The following MICA variants were observed in gnomAD, a reference collection of about 807,000 sequenced individuals.
MICA encodes the protein HLA class I antigen.
Under a neutral mutation model 34.3 loss-of-function variants are expected in MICA, and 18 were observed. The observed-to-expected ratio is 0.52, with a 90% CI of 0.36 to 0.78. The LOEUF is 0.78. Ranked by LOEUF, MICA falls within the 30% of genes least tolerant of loss-of-function variation. MICA has a pLI of 0.00. For missense variants in MICA, 333 were observed against 409.4 expected, an observed-to-expected ratio of 0.81 and a Z score of 1.61; for synonymous variants, 135 against 156.9, an observed-to-expected ratio of 0.86 and a Z score of 1.04.
chr6:31,414,819 T>C (rs1233826366), intron 5 of MICA, among the ~76,000 whole-genome samples, 193 bp from the exon 6 acceptor site: 1 of 151,660 alleles, frequency 6.6e-6, no homozygotes, highest in African/African-American at 2.4e-5. Flanking sequence ...GGGCTGATGT[T>C]GATGGAGTGA....
chr6:31,412,598 GGA>G, intron 5 of MICA, 138 bp downstream of exon 5: 1 of 601,432 alleles, frequency 1.7e-6, no homozygotes, highest in Non-Finnish European at 2.9e-6. Context: ...ATTTGGGAAG[GGA>G]ATGGGGGCAG....
chr6:31,415,244 G>T lies in MICA; in HGVS notation c.*262G>T. The T allele has an allele frequency of 5.2e-6, 3 of 582,026 alleles. No individual in the cohort carries two copies. The highest frequency in any genetic ancestry group is 9.3e-6 in the Non-Finnish European group (3 of 321,566). The allele number at this position is 582,026 out of a possible 1,614,324, so 36.1% of individuals were successfully genotyped here. On this transcript the variant is annotated 3_prime_UTR_variant, in exon 6 of 6. Coordinates refer to ENST00000449934, the MANE Select transcript of MICA (RefSeq NM_001177519.3). Reference sequence around the variant, plus strand: ...GACCTATGAAACAGAGAAAATAAAAGCACTTATTTATTGTTGTTGGAGGCT... The same window carrying T: ...GACCTATGAAACAGAGAAAATAAAATCACTTATTTATTGTTGTTGGAGGCT...
At chr6:31,409,694 C>T (rs1747696643) in intron 1 of MICA, among the ~76,000 whole-genome samples, 1 of 151,878 alleles carries the variant, frequency 6.6e-6, no homozygotes, top group Non-Finnish European at 1.5e-5. Context: ...AATCCTATGT[C>T]ATGAACATTA....
intron 1 of MICA, among the ~76,000 whole-genome samples, chr6:31,409,843 G>T (rs1770979334): frequency 6.6e-6 from 1 of 151,702 alleles, no homozygotes. Context: ...CCTGCCCCCA[G>T]AACTATTTGC....
chr6:31,412,100 T>G lies in MICA; in HGVS notation c.767T>G (p.Val256Gly), dbSNP rs1251297198. The G allele has an allele frequency of 1.2e-6, 2 of 1,613,142 alleles. No homozygotes were observed. The highest frequency in any genetic ancestry group is 3.3e-4 in the Middle Eastern group (2 of 6,032). ...CACGACACCCAGCAGTGGGGGGATG[T>G]CCTGCCTGATGGGAATGGAACCTAC... ...LSHDTQQWGD[V>G]LPDGNGTYQT... Residue 256 changes from valine to glycine, a missense_variant, in exon 4 of 6, where the codon GTC becomes GGC. Physicochemically the swap from Val to Gly is moderately radical, Grantham distance 109. Transcript: ENST00000449934.
At chr6:31,414,100 G>C (rs1466496615) in intron 5 of MICA, among the ~76,000 whole-genome samples, 1 of 151,978 alleles carries the variant, frequency 6.6e-6, no homozygotes, top group Non-Finnish European at 1.5e-5. Flanking sequence ...CTCAAATTTG[G>C]AGCCCCCTCT....
chr6:31,403,179 C>T (rs540901491), upstream of MICA, among the ~76,000 whole-genome samples: 146 of 151,848 alleles, frequency 9.6e-4, 1 homozygote, highest in African/African-American at 3.4e-3. This position sits in a 1 kb window ranked among gnomAD's most constrained non-coding sequence, Gnocchi z 4.7. Context: ...AGAATAGCCA[C>T]GCGTTGTCTG....
At chr6:31,412,863 G>A (rs1251986456) in intron 5 of MICA, among the ~76,000 whole-genome samples, 1 of 151,898 alleles carries the variant, frequency 6.6e-6, no homozygotes, top group Non-Finnish European at 1.5e-5. Flanking sequence ...GCTGTGATCT[G>A]GGGAGGGCCA....
chr6:31,405,035 C>T (rs1454743030), intron 1 of MICA, among the ~76,000 whole-genome samples: 2 of 150,772 alleles, frequency 1.3e-5, no homozygotes, highest in Non-Finnish European at 2.9e-5. Flanking sequence ...GAGCATCTTT[C>T]CCAAGCCCCA....
intron 1 of MICA, among the ~76,000 whole-genome samples, chr6:31,409,885 T>C (rs55821031): frequency 0.018 from 2,758 of 151,576 alleles, 71 homozygotes; most frequent in Middle Eastern, 0.082. Context: ...TGTCACCTGC[T>C]CACCCCAGTG....
chr6:31,403,936 T>G lies in MICA; in HGVS notation c.70+234T>G, dbSNP rs145194724. Among the ~76,000 whole-genome samples the G allele has an allele frequency of 3.8e-3, 582 of 151,896 alleles. 14 individuals carry two copies. In the East Asian group the frequency reaches 0.051, roughly 13 times the overall value. On this transcript the variant is annotated intron_variant, in intron 1 of 5. Coordinates refer to ENST00000449934, the MANE Select transcript of MICA (RefSeq NM_001177519.3). This position sits in a 1 kb window ranked among gnomAD's most constrained non-coding sequence, Gnocchi z 4.7. ...CACTTTCTGGTCTCCTCCTGCTCTT[T>G]CTCTCCTCGCGTCTCCTCCGCTTCC...
Position 31,403,780 on chromosome 6 carries a change from C to A in MICA, c.70+78C>A. 2 of 1,384,428 alleles carry A rather than the reference C, an allele frequency of 1.4e-6. No homozygotes were observed. 85.8% of individuals were successfully genotyped at this position (1,384,428 alleles called of 1,614,324 possible). On this transcript the variant is annotated intron_variant, in intron 1 of 5. Coordinates refer to ENST00000449934, the MANE Select transcript of MICA (RefSeq NM_001177519.3). The surrounding 1 kb of genome is among the most constrained non-coding windows in gnomAD (Gnocchi z 4.7). ...CGGGGGTCGGGTGGGTAGCGGCGAG[C>A]GCTGTGCGGTCAGGGCGGGGCTCCT...
upstream of MICA, among the ~76,000 whole-genome samples, chr6:31,403,417 C>G (rs1352540128): frequency 6.6e-6 from 1 of 151,928 alleles, no homozygotes; most frequent in Non-Finnish European, 1.5e-5. This position sits in a 1 kb window ranked among gnomAD's most constrained non-coding sequence, Gnocchi z 4.7. Flanking sequence ...TTTCTGGGCC[C>G]CAGGTCCCGC....
At chr6:31,404,366 C>T (rs917727182) in intron 1 of MICA, among the ~76,000 whole-genome samples, 5 of 151,586 alleles carry the variant, frequency 3.3e-5, no homozygotes, top group African/African-American at 7.3e-5. Flanking sequence ...TCTCTCATCC[C>T]ACCCCTACTA....
chr6:31,403,565 C>G (rs2301750), upstream of MICA: 32,539 of 1,338,302 alleles, frequency 0.024, 684 homozygotes, highest in East Asian at 0.11. This position sits in a 1 kb window ranked among gnomAD's most constrained non-coding sequence, Gnocchi z 4.7. Flanking sequence ...GGCCAGGTGA[C>G]TAAGTTTCCG....
At chr6:31,409,219 T>C (rs1175172845) in intron 1 of MICA, among the ~76,000 whole-genome samples, 1 of 151,790 alleles carries the variant, frequency 6.6e-6, no homozygotes, top group African/African-American at 2.4e-5. Flanking sequence ...TATATATTTA[T>C]TTCCTTTGGG....
At chr6:31,410,950 C>T (rs1771099475) in intron 2 of MICA, 122 bp from the exon 3 acceptor site, 2 of 1,469,134 alleles carry the variant, frequency 1.4e-6, no homozygotes, top group Non-Finnish European at 9.0e-7. Flanking sequence ...TGAGCCGGCA[C>T]TCAGCCCACA....
intron 1 of MICA, among the ~76,000 whole-genome samples, chr6:31,405,395 A>C: frequency 1.4e-5 from 2 of 146,674 alleles, no homozygotes; most frequent in Admixed American, 6.9e-5. Context: ...CAGCACCCCC[A>C]CCCCTTGCTT....
At chr6:31,414,133 G>GGTGGCT (rs1771372975) in intron 5 of MICA, among the ~76,000 whole-genome samples, 1 of 151,912 alleles carries the variant, frequency 6.6e-6, no homozygotes, top group South Asian at 2.1e-4. Context: ...GTGTGGAGAT[G>GGTGGCT]GTGGCTGTGG....
Sources: allele counts gnomAD v4.1 joint callset (sites outside exome capture counted in the v4.1 genomes callset), GRCh38; gene constraint gnomAD v4.1.1; non-coding constraint Gnocchi (gnomAD v3.1); transcripts MANE v1.5; gene names NCBI Gene and HGNC (gene_info 2026-07-23, HGNC 2026-07-21).